MKRN1: variants seen among roughly 807,000 people sequenced by gnomAD.
MKRN1 encodes the protein makorin ring finger protein 1, also known as E3 ubiquitin-protein ligase makorin-1.
Under a neutral mutation model 55.5 loss-of-function variants are expected in MKRN1, and 9 were observed. The ratio of observed to expected loss-of-function variants is 0.16; its 90% confidence interval spans 0.10 to 0.28. The LOEUF (loss-of-function observed/expected upper bound fraction) is 0.28, where lower values mean the gene tolerates loss of function less well. MKRN1 is among the 10% of genes least tolerant of loss of function. The pLI is 1.00. For missense variants in MKRN1, 488 were observed against 626.7 expected (o/e 0.78, Z 2.36); for synonymous variants, 253 against 235.9 (o/e 1.07, Z -0.66).
chr7:140,463,098 A>G (rs894937072), intron 2 of MKRN1, among the ~76,000 whole-genome samples: 1 of 152,220 alleles, frequency 6.6e-6, no homozygotes, highest in Admixed American at 6.5e-5. Flanking sequence ...CCATCTCCAA[A>G]GACATTCATA....
At chr7:140,473,276 G>A in intron 1 of MKRN1, 1 of 451,734 alleles carries the variant, frequency 2.2e-6, no homozygotes, top group East Asian at 7.0e-5. Context: ...TGAAAACCTG[G>A]GCCATATATT....
chr7:140,459,082 G>A lies in MKRN1; in HGVS notation c.696C>T (p.His232=), dbSNP rs775269221. The change falls in exon 4 of 8, where the codon CAC becomes CAT. Residue 232 remains histidine (H), a synonymous_variant. Transcript: ENST00000255977. ...CRYGENCVYL[H]GDSCDMCGLQ... The stretch of plus-strand genomic sequence containing the variant: ...GCCCACACATGTCACAAGAATCTCC[G>A]TGGAGATACACACAGTTCTCCCCGT... The A allele has an allele frequency of 5.2e-5, 84 of 1,613,840 alleles. No homozygotes were observed. Among genetic ancestry groups the A allele is most frequent in the East Asian group, 6.7e-5 (3 of 44,898 alleles).
intron 2 of MKRN1, among the ~76,000 whole-genome samples, chr7:140,470,682 G>A (rs937260477): frequency 6.6e-6 from 1 of 152,048 alleles, no homozygotes; most frequent in Admixed American, 6.6e-5. Flanking sequence ...CTGGGAGGCC[G>A]AGGTGGGCAG....
At chr7:140,470,991 CA>C (rs1585490120) in intron 2 of MKRN1, among the ~76,000 whole-genome samples, 1 of 152,098 alleles carries the variant, frequency 6.6e-6, no homozygotes, top group African/African-American at 2.4e-5. Context: ...ACTGCCATCT[CA>C]TAAGTGTCTC....
chr7:140,462,077 G>C (rs1585473371), intron 2 of MKRN1, among the ~76,000 whole-genome samples: 1 of 152,326 alleles, frequency 6.6e-6, no homozygotes, highest in African/African-American at 2.4e-5. Flanking sequence ...TCCTAGGCTG[G>C]AGTGCAGTAG....
In MKRN1 at chr7:140,476,471, C is replaced by CAAAAAAAAAAAAAAA. The variant is rs59392050; in HGVS notation, c.185+2674_185+2688dup. 1.4e-3 allele frequency among the ~76,000 whole-genome samples: 99 copies of CAAAAAAAAAAAAAAA among 72,558 alleles called. 6 individuals carry two copies. The highest frequency in any genetic ancestry group is 5.5e-3 in the African/African-American group (89 of 16,304). The allele number at this position is 72,558 out of a possible 152,430, so 47.6% of individuals were successfully genotyped here. A position where few individuals can be genotyped will look rare whatever the true frequency, so the allele number is the denominator to read the frequency against. On this transcript the variant is annotated intron_variant, in intron 1 of 7. Transcript: ENST00000255977. ...TGGGCGACAGAGCGACACTCCATCTCAAAAAAAAAAAAAAAAAAGGAAGAT... is the reference window on the plus strand; with the variant it reads ...TGGGCGACAGAGCGACACTCCATCTCAAAAAAAAAAAAAAAAAAAAAAAAAAAAAAAAAGGAAGAT...
At chr7:140,456,050 A>G in intron 5 of MKRN1, 150 bp from the exon 6 acceptor site, 3 of 935,688 alleles carry the variant, frequency 3.2e-6, no homozygotes, top group East Asian at 5.4e-5. Context: ...CTGTCACACA[A>G]CTGACCATTT....
At chr7:140,475,345 C>A (rs1585499579) in intron 1 of MKRN1, 1 of 236,266 alleles carries the variant, frequency 4.2e-6, no homozygotes, top group Non-Finnish European at 7.4e-6. Flanking sequence ...TCTCAGAAAA[C>A]AAACAAACAA....
intron 1 of MKRN1, chr7:140,472,243 T>C (rs1794949830): frequency 6.3e-6 from 3 of 476,242 alleles, no homozygotes; most frequent in South Asian, 2.2e-5. Flanking sequence ...GAGACCAGCC[T>C]GGGCAACATG....
rs1040202016 is a variant in MKRN1, at chr7:140,459,767, C to G, written c.484G>C (p.Gly162Arg). The G allele has an allele frequency of 6.2e-6, 10 of 1,613,862 alleles. No individual in the cohort carries two copies. The highest frequency in any genetic ancestry group is 1.6e-4 in the Middle Eastern group (1 of 6,078). The change falls in exon 3 of 8, where the codon GGT becomes CGT. Residue 162 changes from glycine (G) to arginine (R), a missense_variant. Coordinates refer to ENST00000255977, the MANE Select transcript of MKRN1 (RefSeq NM_013446.4). ...RNSNFATVGAGSEDWVNAIEF... is the reference protein window; with the variant it reads ...RNSNFATVGARSEDWVNAIEF... Reference sequence around the variant, plus strand: ...ATAGCATTCACCCAGTCCTCTGAACCTGCTCCTACAGTTGCAAAGTTTGAA... The same window carrying G: ...ATAGCATTCACCCAGTCCTCTGAACGTGCTCCTACAGTTGCAAAGTTTGAA...
rs1209130997 is a variant in MKRN1 at position 140,456,929 on chromosome 7, C to T, written c.772-63G>A. Reference sequence around the variant, plus strand: ...ATTGAACCCTGAAAAACTTGAGCAACAGTTAATGATTCACAGTCAAAGAAT... The same window carrying T: ...ATTGAACCCTGAAAAACTTGAGCAATAGTTAATGATTCACAGTCAAAGAAT... On this transcript the variant is annotated intron_variant, in intron 4 of 7. Coordinates refer to ENST00000255977, the MANE Select transcript of MKRN1 (RefSeq NM_013446.4). The T allele has an allele frequency of 3.4e-6, 5 of 1,469,224 alleles. No individual in the cohort carries two copies. The African/African-American group carries it at 4.2e-5, about 12-fold the overall frequency. 91.0% of individuals were successfully genotyped at this position (1,469,224 alleles called of 1,614,324 possible).
chr7:140,462,090 T>C (rs1262148955), intron 2 of MKRN1, among the ~76,000 whole-genome samples: 2 of 152,202 alleles, frequency 1.3e-5, no homozygotes, highest in African/African-American at 2.4e-5. Flanking sequence ...TGCAGTAGCG[T>C]GACCTTAGCT....
rs539256705 is a variant in MKRN1, at chr7:140,471,580, C to T, written c.314+303G>A. Among the ~76,000 whole-genome samples the T allele has an allele frequency of 3.3e-5, 5 of 152,172 alleles. No individual in the cohort carries two copies. The South Asian group carries it at 1.0e-3, about 32-fold the overall frequency. ...CACCTCCCGGGTTCATGCAATTCTC[C>T]TGCTTCAGCCTCCGAAGTAGCTGGG... On this transcript the variant is annotated intron_variant, in intron 2 of 7. Coordinates refer to ENST00000255977, the MANE Select transcript of MKRN1 (RefSeq NM_013446.4).
chr7:140,454,316 G>GT lies in MKRN1; in HGVS notation c.*200dup. 5.0e-6 allele frequency: 3 copies of GT among 596,180 alleles called. No homozygotes were observed. The highest frequency in any genetic ancestry group is 2.8e-5 in the East Asian group (1 of 35,596). 36.9% of individuals were successfully genotyped at this position (596,180 alleles called of 1,614,324 possible). The stretch of plus-strand genomic sequence containing the variant: ...AAAACTAACTTTAAGATTTATTTTT[G>GT]TAACTTTTTTCAACAGGGAAAACAA... On this transcript the variant is annotated 3_prime_UTR_variant, in exon 8 of 8. Transcript: ENST00000255977.
Position 140,459,671 on chromosome 7 carries a change from C to T in MKRN1, c.544+36G>A, listed in dbSNP as rs775606693. The T allele has an allele frequency of 1.5e-5, 24 of 1,580,334 alleles. No individual in the cohort carries two copies. In the South Asian group the frequency reaches 2.7e-4, roughly 18 times the overall value. On this transcript the variant is annotated intron_variant, in intron 3 of 7. Transcript: ENST00000255977. ...AGCAAATGGATGAACTGCTATCCAG[C>T]CCTCTAACTCTTATTTTCTTCTTCA...
chr7:140,466,979 C>CTTT (rs371673846), intron 2 of MKRN1, among the ~76,000 whole-genome samples: 1 of 142,386 alleles, frequency 7.0e-6, no homozygotes. Flanking sequence ...TCAACTTTTT[C>CTTT]TTTTTTTTTT....
At position 140,472,621 on chromosome 7, in the gene MKRN1, C is replaced by A. The variant is rs536476746; in HGVS notation, c.186-610G>T. 9.7e-4 allele frequency among the ~76,000 whole-genome samples: 146 copies of A among 151,022 alleles called. 1 individual carries two copies. Among genetic ancestry groups the A allele is most frequent in the African/African-American group, 3.3e-3 (135 of 41,278 alleles). ...GCCAGGATGGTCTCGATCTCCTGAC[C>A]TTGTGATCTGCCCACCTCGGCCTCC... On this transcript the variant is annotated intron_variant, in intron 1 of 7. Transcript: ENST00000255977.
intron 5 of MKRN1, chr7:140,456,443 C>A: frequency 7.1e-7 from 1 of 1,402,678 alleles, no homozygotes. Flanking sequence ...CTAACTGATA[C>A]ACAGGGTTTC....
intron 1 of MKRN1, chr7:140,475,199 C>A: frequency 2.3e-6 from 1 of 439,654 alleles, no homozygotes; most frequent in Non-Finnish European, 4.5e-6. Context: ...AATAATTAGC[C>A]GAGTGTGATG....
Sources: gnomAD v4.1 joint callset for allele counts (sites outside exome capture counted in the v4.1 genomes callset) on GRCh38, gnomAD v4.1.1 for gene constraint, MANE v1.5 for transcripts, NCBI Gene and HGNC (gene_info 2026-07-23, HGNC 2026-07-21) for gene names.